CDH4: variants seen among roughly 807,000 people sequenced by gnomAD.
CDH4 encodes cadherin 4.
CDH4 carries 33 observed loss-of-function variants against 86.0 expected under a neutral mutation model. That is an observed-to-expected ratio of 0.38 (90% CI 0.29 to 0.51). The LOEUF (loss-of-function observed/expected upper bound fraction) is 0.51. CDH4 is among the 20% of genes least tolerant of loss of function. The probability of loss-of-function intolerance (pLI) is 0.86; values close to 1 mark genes in which losing one functional copy is unlikely to be tolerated. For missense variants in CDH4, 1,114 were observed against 1,307.4 expected (o/e 0.85, Z 2.28); for synonymous variants, 555 against 549.4 (o/e 1.01, Z -0.14).
At chr20:61,515,617 G>C (rs746625744) in intron 2 of CDH4, among the ~76,000 whole-genome samples, 2 of 152,194 alleles carry the variant, frequency 1.3e-5, no homozygotes, top group Non-Finnish European at 2.9e-5. Flanking sequence ...CCACCAGTTA[G>C]AGGTGTCACT....
At chr20:61,885,421 G>A (rs1395447252) in intron 7 of CDH4, among the ~76,000 whole-genome samples, 1 of 152,114 alleles carries the variant, frequency 6.6e-6, no homozygotes, top group Non-Finnish European at 1.5e-5. Flanking sequence ...TTTCGTGTCT[G>A]GTGTCTCTCA....
chr20:61,260,970 T>C lies in CDH4; in HGVS notation c.169+6033T>C, dbSNP rs144313503. On this transcript the variant is annotated intron_variant, in intron 2 of 15. Coordinates refer to ENST00000614565, the MANE Select transcript of CDH4 (RefSeq NM_001794.5). ...ATCATCTGCAGGCCAAATCCCACTC[T>C]GAGAGAGGGTCCTGGTAGCCCTGGT... is the stretch of plus-strand genomic sequence containing the variant. Among the ~76,000 whole-genome samples, 670 of 152,348 alleles carry C rather than the reference T, an allele frequency of 4.4e-3. 1 individual carries two copies. The highest frequency in any genetic ancestry group is 0.015 in the African/African-American group (628 of 41,584).
intron 7 of CDH4, among the ~76,000 whole-genome samples, chr20:61,893,320 T>G (rs183065060): frequency 0.078 from 1,424 of 18,362 alleles, no homozygotes; most frequent in Middle Eastern, 0.1. Flanking sequence ...GTGAATAGAG[T>G]GATGGTGGTT....
rs1281450601 is a variant in CDH4 at position 61,681,415 on chromosome 20, A to G, written c.170-62148A>G. ...AAAGGTGACAAAAATGGATTAGACA[A>G]TCCTTGGAACTTTATAACTGTGTGC... On this transcript the variant is annotated intron_variant, in intron 2 of 15. Coordinates refer to ENST00000614565, the MANE Select transcript of CDH4 (RefSeq NM_001794.5). This position sits in a 1 kb window ranked among gnomAD's most constrained non-coding sequence, Gnocchi z 4.5. Among the ~76,000 whole-genome samples, 2 of 152,220 alleles carry G rather than the reference A, an allele frequency of 1.3e-5. No individual in the cohort carries two copies. Among genetic ancestry groups the G allele is most frequent in the African/African-American group, 4.8e-5 (2 of 41,448 alleles).
At position 61,544,288 on chromosome 20, in the gene CDH4, G is replaced by A. The variant is rs934823156; in HGVS notation, c.170-199275G>A. ...CTGACATCGAGCGGGTGGAGGCTGG[G>A]TACGGCTAAACACCCCACAGCCCAG... On this transcript the variant is annotated intron_variant, in intron 2 of 15. Transcript: ENST00000614565. The surrounding 1 kb of genome is among the most constrained non-coding windows in gnomAD (Gnocchi z 6.5). 6.6e-6 allele frequency among the ~76,000 whole-genome samples: 1 copy of A among 152,034 alleles called. No individual in the cohort carries two copies. The highest frequency in any genetic ancestry group is 2.1e-4 in the South Asian group (1 of 4,824).
At chr20:61,574,480 A>G (rs1269042946) in intron 2 of CDH4, among the ~76,000 whole-genome samples, 2 of 152,094 alleles carry the variant, frequency 1.3e-5, no homozygotes, top group Non-Finnish European at 2.9e-5. Flanking sequence ...TACAGATTCA[A>G]CCTGACCCCC....
At chr20:61,575,571 A>G (rs1600773480) in intron 2 of CDH4, among the ~76,000 whole-genome samples, 1 of 152,252 alleles carries the variant, frequency 6.6e-6, no homozygotes. Context: ...TCATGATTCT[A>G]TAGAACAGGG....
chr20:61,524,726 G>A (rs1053869045), intron 2 of CDH4, among the ~76,000 whole-genome samples: 10 of 152,112 alleles, frequency 6.6e-5, no homozygotes, highest in African/African-American at 2.4e-4. Context: ...CTCAAGTGCT[G>A]CCCACCTCGG....
chr20:61,725,496 C>T (rs889569121), intron 2 of CDH4, among the ~76,000 whole-genome samples: 3 of 152,182 alleles, frequency 2.0e-5, no homozygotes, highest in East Asian at 1.9e-4. Flanking sequence ...ACCTAGGCCT[C>T]AGCTCTCTTT....
chr20:61,923,727 G>A lies in CDH4; in HGVS notation c.1628+23G>A, dbSNP rs367842442. ...GAGGTGGGTGCACAGGACATGCCTCGTCCCTGCCTGCAGCTTCCCAGGTTC... is the reference window on the plus strand; with the variant it reads ...GAGGTGGGTGCACAGGACATGCCTCATCCCTGCCTGCAGCTTCCCAGGTTC... On this transcript the variant is annotated intron_variant, in intron 10 of 15. Transcript: ENST00000614565. 1.1e-4 allele frequency: 180 copies of A among 1,607,604 alleles called. 3 individuals are homozygous for A. In the Admixed American group the frequency reaches 1.6e-3, roughly 14 times the overall value.
At chr20:61,842,102 G>A (rs1249758874) in intron 4 of CDH4, among the ~76,000 whole-genome samples, 1 of 152,236 alleles carries the variant, frequency 6.6e-6, no homozygotes, top group Non-Finnish European at 1.5e-5. Context: ...AATTAAGCTG[G>A]AAGGGATACT....
chr20:61,830,126 G>C (rs1314007585), intron 4 of CDH4, among the ~76,000 whole-genome samples: 114 of 19,942 alleles, frequency 5.7e-3, no homozygotes, highest in African/African-American at 0.023. Context: ...CCCCACACCC[G>C]TTCATGTGAC....
intron 8 of CDH4, among the ~76,000 whole-genome samples, chr20:61,905,724 G>A (rs1264116950): frequency 1.3e-5 from 2 of 152,192 alleles, no homozygotes; most frequent in African/African-American, 4.8e-5. Flanking sequence ...AGGTGCACCT[G>A]GCTGGCATGT....
chr20:61,599,318 G>A (rs1378396325), intron 2 of CDH4, among the ~76,000 whole-genome samples: 1 of 152,184 alleles, frequency 6.6e-6, no homozygotes, highest in African/African-American at 2.4e-5. Context: ...CCTTCTGCTG[G>A]GGGACTCTGC....
intron 2 of CDH4, among the ~76,000 whole-genome samples, chr20:61,458,380 G>T (rs2085421870): frequency 7.1e-6 from 1 of 140,442 alleles, no homozygotes; most frequent in East Asian, 2.0e-4. Context: ...GGTGGTGATG[G>T]TATGGTGATG....
At chr20:61,555,105 G>A (rs967401978) in intron 2 of CDH4, among the ~76,000 whole-genome samples, 8 of 146,742 alleles carry the variant, frequency 5.5e-5, no homozygotes, top group South Asian at 2.1e-4. Context: ...AGTATGAGCC[G>A]TATGTGTGTG....
chr20:61,898,694 G>A (rs894856194), intron 8 of CDH4, among the ~76,000 whole-genome samples: 1 of 152,222 alleles, frequency 6.6e-6, no homozygotes, highest in Non-Finnish European at 1.5e-5. Flanking sequence ...GCCAAGGCCG[G>A]AGAGCTGGAC....
intron 2 of CDH4, among the ~76,000 whole-genome samples, chr20:61,606,231 CAG>C (rs148582973): frequency 0.016 from 2,377 of 152,310 alleles, 72 homozygotes; most frequent in African/African-American, 0.054. Flanking sequence ...CAGAGAATGG[CAG>C]AGAGACGGCC....
At chr20:61,619,783 A>G (rs988347643) in intron 2 of CDH4, among the ~76,000 whole-genome samples, 2 of 152,180 alleles carry the variant, frequency 1.3e-5, no homozygotes, top group African/African-American at 4.8e-5. Context: ...GTGGGAGGGC[A>G]CTCAGGAACC....
Sources: gnomAD v4.1 joint callset for allele counts (sites outside exome capture counted in the v4.1 genomes callset) on GRCh38, gnomAD v4.1.1 for gene constraint, Gnocchi (gnomAD v3.1) non-coding constraint, MANE v1.5 for transcripts, NCBI Gene and HGNC (gene_info 2026-07-23, HGNC 2026-07-21) for gene names.